The following SLC30A7 variants were observed in gnomAD, a reference collection of about 807,000 sequenced individuals.
SLC30A7 encodes solute carrier family 30 member 7.
A neutral mutation model predicts 46.0 loss-of-function variants in SLC30A7; 35 were observed. That is an observed-to-expected ratio of 0.76 (90% CI 0.58 to 1.01). The LOEUF (loss-of-function observed/expected upper bound fraction) is 1.01, where lower values mean the gene tolerates loss of function less well. SLC30A7 is among the 50% of genes least tolerant of loss of function. The pLI is 0.00. For missense variants in SLC30A7, 464 were observed against 451.1 expected (o/e 1.03, Z -0.26); for synonymous variants, 147 against 157.8 (o/e 0.93, Z 0.51).
At chr1:100,967,294 G>A (rs1040612588) in intron 10 of SLC30A7, among the ~76,000 whole-genome samples, 2 of 152,166 alleles carry the variant, frequency 1.3e-5, no homozygotes, top group African/African-American at 2.4e-5. Flanking sequence ...GGTGGTGGGA[G>A]GGATGGTTTT....
chr1:100,916,969 A>C (rs879436556), intron 6 of SLC30A7, among the ~76,000 whole-genome samples: 2 of 152,124 alleles, frequency 1.3e-5, no homozygotes, highest in Non-Finnish European at 2.9e-5. Context: ...ATAGTTTGCA[A>C]ATATTTTCTG....
intron 2 of SLC30A7, 105 bp from the exon 3 acceptor site, chr1:100,906,746 AG>A: frequency 1.4e-6 from 1 of 722,668 alleles, no homozygotes; most frequent in Non-Finnish European, 2.4e-6. Context: ...TTGTTGTTTT[AG>A]ATGGTTAATT....
chr1:100,958,771 T>C (rs1218442361), intron 8 of SLC30A7, among the ~76,000 whole-genome samples: 2 of 152,214 alleles, frequency 1.3e-5, no homozygotes, highest in Non-Finnish European at 2.9e-5. Context: ...TCTGAGATGC[T>C]GGGTTTACAA....
Position 100,965,756 on chromosome 1 carries a change from C to A in SLC30A7, c.934-13C>A, listed in dbSNP as rs1288258483. 6.2e-7 allele frequency: 1 copy of A among 1,610,734 alleles called. No individual in the cohort carries two copies. The highest frequency in any genetic ancestry group is 8.5e-7 in the Non-Finnish European group (1 of 1,177,194). ...CTTGATTATGATGTTAATATCTCTC[C>A]TTTATATTTCAGGTACAGCAGTTGC... is the stretch of plus-strand genomic sequence containing the variant. On this transcript the variant is annotated splice_polypyrimidine_tract_variant and intron_variant, in intron 9 of 10. Coordinates refer to ENST00000357650, the MANE Select transcript of SLC30A7 (RefSeq NM_133496.5).
At chr1:100,935,778 G>A (rs902011728) in intron 8 of SLC30A7, among the ~76,000 whole-genome samples, 4 of 152,132 alleles carry the variant, frequency 2.6e-5, no homozygotes, top group Admixed American at 2.6e-4. Flanking sequence ...GTTTGACAAA[G>A]GTTTCTTGGG....
intron 5 of SLC30A7, 152 bp downstream of exon 5, chr1:100,912,390 C>A: frequency 1.2e-6 from 1 of 862,328 alleles, no homozygotes; most frequent in Non-Finnish European, 1.8e-6. Context: ...TTCTTTATGC[C>A]CCTCCATCTC....
intron 10 of SLC30A7, among the ~76,000 whole-genome samples, chr1:100,966,470 A>G (rs1655881604): frequency 6.6e-6 from 1 of 151,828 alleles, no homozygotes; most frequent in Non-Finnish European, 1.5e-5. Context: ...CTGTGGTTCC[A>G]GCTACTTGGG....
chr1:100,902,098 T>C (rs1212160618), intron 2 of SLC30A7, among the ~76,000 whole-genome samples: 1 of 152,212 alleles, frequency 6.6e-6, no homozygotes, highest in East Asian at 1.9e-4. Flanking sequence ...AAGTAGACTG[T>C]TTTTCCCATG....
chr1:100,935,056 A>G (rs550849938), intron 8 of SLC30A7, among the ~76,000 whole-genome samples: 3 of 152,292 alleles, frequency 2.0e-5, no homozygotes, highest in Middle Eastern at 3.4e-3. Context: ...CTCATATTTG[A>G]AGCTTCAAAC....
intron 8 of SLC30A7, among the ~76,000 whole-genome samples, chr1:100,930,196 T>C (rs1285658874): frequency 4.6e-5 from 7 of 152,072 alleles, no homozygotes; most frequent in Non-Finnish European, 1.0e-4. Context: ...GTTACCATCT[T>C]GTGGTGCTTT....
chr1:100,961,759 T>C, intron 8 of SLC30A7, 69 bp from the exon 9 acceptor site: 1 of 854,346 alleles, frequency 1.2e-6, no homozygotes, highest in Non-Finnish European at 1.9e-6. Flanking sequence ...GGAGGCATAT[T>C]ATTACTTTCT....
At chr1:100,925,749 TC>T (rs1451922722) in intron 8 of SLC30A7, among the ~76,000 whole-genome samples, 1 of 152,148 alleles carries the variant, frequency 6.6e-6, no homozygotes, top group Non-Finnish European at 1.5e-5. Context: ...GATAAAAAAT[TC>T]TGTTTTGGAT....
intron 9 of SLC30A7, 24 bp from the exon 10 acceptor site, chr1:100,965,745 T>C (rs1655821633): frequency 1.2e-6 from 2 of 1,605,064 alleles, no homozygotes; most frequent in African/African-American, 1.3e-5. Flanking sequence ...ATTATGATGT[T>C]AATATCTCTC....
chr1:100,906,972 C>T lies in SLC30A7; in HGVS notation c.296+7C>T, dbSNP rs964760060. The T allele has an allele frequency of 9.0e-6, 14 of 1,559,892 alleles. No individual in the cohort carries two copies. Among genetic ancestry groups the T allele is most frequent in the Non-Finnish European group, 1.1e-5 (13 of 1,136,968 alleles). ...ATGATGCTTTCTCCTATGGGTAAGA[C>T]TTTAAGAAAAAAAATCTTTTTATTG... On this transcript the variant is annotated splice_region_variant and intron_variant, in intron 3 of 10. Coordinates refer to ENST00000357650, the MANE Select transcript of SLC30A7 (RefSeq NM_133496.5).
intron 7 of SLC30A7, among the ~76,000 whole-genome samples, chr1:100,919,645 A>G (rs1017663585): frequency 3.3e-5 from 5 of 152,152 alleles, no homozygotes; most frequent in Non-Finnish European, 7.4e-5. Flanking sequence ...TTTAATTTTG[A>G]AAGTCATCAC....
At chr1:100,960,609 C>CT (rs370885285) in intron 8 of SLC30A7, among the ~76,000 whole-genome samples, 103 of 152,186 alleles carry the variant, frequency 6.8e-4, no homozygotes, top group African/African-American at 2.4e-3. Flanking sequence ...GATGGATGTT[C>CT]TTTTTATCTT....
chr1:100,992,719 A>C, the SLC30A7 span: 6 of 1,613,322 alleles, frequency 3.7e-6, no homozygotes, highest in Non-Finnish European at 5.1e-6. Context: ...TATACCGTGG[A>C]GGTTCATAGA....
At chr1:100,900,029 A>AGG (rs1491123903) in intron 2 of SLC30A7, among the ~76,000 whole-genome samples, 1 of 151,986 alleles carries the variant, frequency 6.6e-6, no homozygotes, top group Non-Finnish European at 1.5e-5. Context: ...AGAGAGAGAG[A>AGG]CAAACTAACC....
At chr1:100,907,090 CCA>C in intron 3 of SLC30A7, 125 bp downstream of exon 3, 1 of 604,588 alleles carries the variant, frequency 1.7e-6, no homozygotes, top group Non-Finnish European at 2.8e-6. Context: ...TTTGAAGCCC[CCA>C]CTCAGGCCTC....
Sources: allele counts gnomAD v4.1 joint callset (sites outside exome capture counted in the v4.1 genomes callset), GRCh38; gene constraint gnomAD v4.1.1; transcripts MANE v1.5; gene names NCBI Gene and HGNC (gene_info 2026-07-23, HGNC 2026-07-21).